RTN1: variants seen among roughly 807,000 people sequenced by gnomAD.
RTN1 encodes the protein reticulon 1, also known as reticulon-1.
A neutral mutation model predicts 65.5 loss-of-function variants in RTN1; 25 were observed. That is an observed-to-expected ratio of 0.38 (90% CI 0.28 to 0.53). The LOEUF (loss-of-function observed/expected upper bound fraction) is 0.53, where lower values mean the gene tolerates loss of function less well. RTN1 is among the 20% of genes least tolerant of loss of function. The probability of loss-of-function intolerance (pLI) is 0.79; values close to 1 mark genes in which losing one functional copy is unlikely to be tolerated. For missense variants in RTN1, 983 were observed against 1,025.4 expected (o/e 0.96, Z 0.57); for synonymous variants, 471 against 447.6 (o/e 1.05, Z -0.66).
At chr14:59,778,036 C>CTT (rs909182079) in intron 1 of RTN1, among the ~76,000 whole-genome samples, 6 of 152,000 alleles carry the variant, frequency 3.9e-5, no homozygotes, top group African/African-American at 1.4e-4. Context: ...TTCTAATGAG[C>CTT]TTTTGCATGT....
chr14:59,602,930 A>C (rs1881623964), intron 8 of RTN1, 135 bp downstream of exon 8: 1 of 629,202 alleles, frequency 1.6e-6, no homozygotes, highest in South Asian at 2.3e-5. Context: ...GAAGAGAATG[A>C]ATATATGATT....
At chr14:59,778,495 G>A (rs368039130) in intron 1 of RTN1, among the ~76,000 whole-genome samples, 4 of 152,124 alleles carry the variant, frequency 2.6e-5, no homozygotes, top group South Asian at 2.1e-4. Context: ...TCATGCATTC[G>A]TCCAATATTC....
At position 59,746,171 on chromosome 14, in the gene RTN1, G is replaced by T. The variant is rs1246531741; in HGVS notation, c.552C>A (p.Asp184Glu). ...CCTCTGCTTTCATCTGGTCCAGAGGGTCTGCTAAGATCTTGTTCACTTCCG... is the reference window on the plus strand; with the variant it reads ...CCTCTGCTTTCATCTGGTCCAGAGGTTCTGCTAAGATCTTGTTCACTTCCG... ...ESTEVNKILA[D>E]PLDQMKAEAY... Residue 184 changes from aspartate to glutamate, a missense_variant, in exon 2 of 9, where the codon GAC becomes GAA. Asp to Glu is a conservative substitution (Grantham distance 45, BLOSUM62 2). Transcript: ENST00000267484. 1.9e-6 allele frequency: 3 copies of T among 1,606,900 alleles called. No homozygotes were observed. In the Admixed American group the frequency reaches 5.1e-5, roughly 27 times the overall value.
In RTN1 at chr14:59,846,416, G is replaced by C. The variant is rs182937465; in HGVS notation, c.241+23974C>G. On this transcript the variant is annotated intron_variant, in intron 1 of 8. Transcript: ENST00000267484. This position sits in a 1 kb window ranked among gnomAD's most constrained non-coding sequence, Gnocchi z 4.8. ...TGGATCAGAGTTGATGTATGCACAC[G>C]TGTGTACACACACACGTGTGTACCA... is the stretch of plus-strand genomic sequence containing the variant. Among the ~76,000 whole-genome samples the C allele has an allele frequency of 1.3e-5, 2 of 151,910 alleles. No homozygotes were observed. The highest frequency in any genetic ancestry group is 2.9e-5 in the Non-Finnish European group (2 of 67,978).
chr14:59,640,090 T>C (rs1882745496), intron 3 of RTN1, among the ~76,000 whole-genome samples: 1 of 152,204 alleles, frequency 6.6e-6, no homozygotes, highest in South Asian at 2.1e-4. Flanking sequence ...CTCCCTCCTG[T>C]ATTTGCTGAA....
chr14:59,739,963 G>C (rs1178935330), intron 2 of RTN1, among the ~76,000 whole-genome samples: 1 of 152,228 alleles, frequency 6.6e-6, no homozygotes, highest in Non-Finnish European at 1.5e-5. Context: ...CCACATGGCA[G>C]AGCAGCTCAC....
chr14:59,654,552 T>C (rs1237811959), intron 3 of RTN1, among the ~76,000 whole-genome samples: 1 of 150,482 alleles, frequency 6.6e-6, no homozygotes, highest in African/African-American at 2.4e-5. Context: ...GAGCAATATC[T>C]CTTATGAATA....
At chr14:59,823,371 C>T (rs565478049) in intron 1 of RTN1, among the ~76,000 whole-genome samples, 99 of 152,004 alleles carry the variant, frequency 6.5e-4, no homozygotes, top group Non-Finnish European at 1.1e-3. Context: ...CTTGACAGAT[C>T]TTTCTCCATC....
At chr14:59,659,503 A>G (rs1478366348) in intron 3 of RTN1, among the ~76,000 whole-genome samples, 1 of 152,206 alleles carries the variant, frequency 6.6e-6, no homozygotes, top group African/African-American at 2.4e-5. Flanking sequence ...AAGTCGGGTT[A>G]CCCAGAAAGG....
chr14:59,837,489 C>T (rs1887233963), intron 1 of RTN1, among the ~76,000 whole-genome samples: 1 of 151,682 alleles, frequency 6.6e-6, no homozygotes, highest in Non-Finnish European at 1.5e-5. Flanking sequence ...ATGTCAACAC[C>T]ATTAAAAACA....
chr14:59,801,059 G>C (rs1039025921), intron 1 of RTN1, among the ~76,000 whole-genome samples: 3 of 152,086 alleles, frequency 2.0e-5, no homozygotes, highest in Non-Finnish European at 4.4e-5. Flanking sequence ...CATAGAAAAA[G>C]AATGGGGGAG....
At chr14:59,723,474 CGTG>C (rs564812604) in intron 3 of RTN1, among the ~76,000 whole-genome samples, 232 of 151,310 alleles carry the variant, frequency 1.5e-3, no homozygotes, top group African/African-American at 5.1e-3. Context: ...ATTAGCCGGG[CGTG>C]GTGGTGGTGG....
intron 1 of RTN1, among the ~76,000 whole-genome samples, chr14:59,831,940 T>C (rs184472933): frequency 2.6e-5 from 4 of 152,144 alleles, no homozygotes; most frequent in Admixed American, 6.5e-5. Flanking sequence ...CACACTCTGG[T>C]AAAACTGACT....
In RTN1 at chr14:59,750,767, C is replaced by A. The variant is rs1885501998; in HGVS notation, c.242-4286G>T. ...TTGCTCTGTCACCCAGGCTGGAGTG[C>A]AGTGTGGCATGATCTTGGCTCACTG... On this transcript the variant is annotated intron_variant, in intron 1 of 8. Transcript: ENST00000267484. Among the ~76,000 whole-genome samples, 4 of 110,024 alleles carry A rather than the reference C, an allele frequency of 3.6e-5. No individual in the cohort carries two copies. The South Asian group carries it at 1.1e-3, about 29-fold the overall frequency. 72.2% of individuals were successfully genotyped at this position (110,024 alleles called of 152,430 possible).
At chr14:59,604,677 A>C (rs1881687339) in intron 5 of RTN1, 1 of 152,288 alleles carries the variant, frequency 6.6e-6, no homozygotes, top group Admixed American at 6.5e-5. Flanking sequence ...AGCCCCTGCC[A>C]GGGTGTGTAT....
chr14:59,780,988 G>A (rs1359157722), intron 1 of RTN1, among the ~76,000 whole-genome samples: 1 of 152,156 alleles, frequency 6.6e-6, no homozygotes. Context: ...CATGGCACCT[G>A]CATAGAAGGC....
chr14:59,741,526 G>A (rs887955710), intron 2 of RTN1, among the ~76,000 whole-genome samples: 15 of 152,238 alleles, frequency 9.9e-5, no homozygotes, highest in African/African-American at 3.6e-4. Context: ...AGTCCTGGCA[G>A]TAATGGAACA....
intron 3 of RTN1, among the ~76,000 whole-genome samples, chr14:59,645,436 AC>A (rs1343015846): frequency 6.6e-6 from 1 of 151,684 alleles, no homozygotes; most frequent in Non-Finnish European, 1.5e-5. Context: ...TCTACATGTT[AC>A]ATGTTTTCTA....
chr14:59,707,266 G>C (rs1052558537), intron 3 of RTN1, among the ~76,000 whole-genome samples: 4 of 152,202 alleles, frequency 2.6e-5, no homozygotes, highest in Non-Finnish European at 4.4e-5. Flanking sequence ...TCAAGGCACA[G>C]GGTTAGAGGG....
Sources: allele counts gnomAD v4.1 joint callset (sites outside exome capture counted in the v4.1 genomes callset), GRCh38; gene constraint gnomAD v4.1.1; non-coding constraint Gnocchi (gnomAD v3.1); transcripts MANE v1.5; gene names NCBI Gene and HGNC (gene_info 2026-07-23, HGNC 2026-07-21).